Variants in SMARCA4 observed in about 807,000 individuals in gnomAD.
SMARCA4 encodes the protein SWI/SNF related BAF chromatin remodeling complex subunit ATPase 4.
SMARCA4 carries 31 observed loss-of-function variants against 193.9 expected under a neutral mutation model. The ratio of observed to expected loss-of-function variants is 0.16; its 90% confidence interval spans 0.12 to 0.22. SMARCA4 has a LOEUF of 0.22. SMARCA4 is among the 10% of genes least tolerant of loss of function. The pLI, the probability that SMARCA4 is intolerant of heterozygous loss-of-function variation, is 1.00. For synonymous variants in SMARCA4, 942 were observed against 933.1 expected (o/e 1.01, Z -0.17); for missense variants, 1,148 against 2,296.0 (o/e 0.50, Z 10.22).
Position 11,039,506 on chromosome 19 carries a change from G to A in SMARCA4, c.4171-1801G>A, listed in dbSNP as rs751103947. The A allele has an allele frequency of 1.2e-6, 2 of 1,600,894 alleles. No homozygotes were observed. Among genetic ancestry groups the A allele is most frequent in the South Asian group, 2.3e-5 (2 of 88,136 alleles). On this transcript the variant is annotated intron_variant, in intron 29 of 34. Coordinates refer to ENST00000344626, the MANE Select transcript of SMARCA4 (RefSeq NM_003072.5). ...TGACACAGCCAGCAGTGTGGCACGT[G>A]GGCTACAATTCCAGCGTGGCCTTCA...
chr19:11,004,628 A>T (rs554078057), intron 13 of SMARCA4, among the ~76,000 whole-genome samples: 1 of 152,188 alleles, frequency 6.6e-6, no homozygotes, highest in East Asian at 1.9e-4. Flanking sequence ...TTTACTTTCA[A>T]CCTGAATCTA....
chr19:11,044,010 G>A (rs943890703), intron 30 of SMARCA4, among the ~76,000 whole-genome samples: 3 of 152,162 alleles, frequency 2.0e-5, no homozygotes, highest in Non-Finnish European at 2.9e-5. Flanking sequence ...AAGGGAATTC[G>A]CAGAAATCTA....
intron 16 of SMARCA4, 44 bp from the exon 17 acceptor site, chr19:11,018,913 T>C: frequency 6.5e-7 from 1 of 1,536,676 alleles, no homozygotes; most frequent in Non-Finnish European, 9.0e-7. Flanking sequence ...AGTGAGCCAT[T>C]GATGAGAGAC....
Position 11,059,795 on chromosome 19 carries a change from G to T in SMARCA4, c.4678G>T (p.Val1560Leu), listed in dbSNP as rs374983142. 2.2e-5 allele frequency: 36 copies of T among 1,607,246 alleles called. No homozygotes were observed. The highest frequency in any genetic ancestry group is 3.0e-5 in the Non-Finnish European group (35 of 1,176,886). ...SIVLQSVFTS[V>L]RQKIEKEDDS... ...CGTCTTGCAGTCGGTCTTCACCAGC[G>T]TGCGGCAGAAAATCGAGAAGGAGGA... Residue 1560 changes from valine to leucine, a missense_variant, in exon 33 of 35, where the codon GTG (valine) becomes TTG (leucine). Val to Leu is a conservative substitution (Grantham distance 32, BLOSUM62 1). This residue lies in a region of SMARCA4 where 105 missense variants were observed against 133.7 expected (regional missense o/e 0.79). Coordinates refer to ENST00000344626, the MANE Select transcript of SMARCA4 (RefSeq NM_003072.5).
intron 13 of SMARCA4, among the ~76,000 whole-genome samples, chr19:11,004,845 CTT>C (rs35249801): frequency 1.7e-4 from 24 of 143,222 alleles, no homozygotes; most frequent in South Asian, 2.2e-4. Context: ...TTTATAGTGC[CTT>C]TTTTTTTTTT....
rs1555778797 is a variant in SMARCA4 at position 11,021,885 on chromosome 19, A to G, written c.2777A>G (p.Asn926Ser). ...NKLPELWALLNFLLPTIFKSC... is the reference protein window; with the variant it reads ...NKLPELWALLSFLLPTIFKSC... ...CTTCCCGAGCTCTGGGCGCTGCTCA[A>G]CTTCCTGCTGCCCACCATCTTCAAG... Residue 926 changes from asparagine (N) to serine (S), a missense_variant, in exon 19 of 35, where the codon AAC becomes AGC. Transcript: ENST00000344626. 3 of 1,613,854 alleles carry G rather than the reference A, an allele frequency of 1.9e-6. No individual in the cohort carries two copies. The highest frequency in any genetic ancestry group is 8.5e-7 in the Non-Finnish European group (1 of 1,180,038).
At chr19:10,989,232 G>T (rs1483976154) in intron 6 of SMARCA4, 85 bp from the exon 7 acceptor site, 1 of 1,556,818 alleles carries the variant, frequency 6.4e-7, no homozygotes. Flanking sequence ...TGCCTCTCTC[G>T]AGGGATGGGT....
At chr19:11,050,945 C>G (rs1159216237) in intron 30 of SMARCA4, among the ~76,000 whole-genome samples, 1 of 152,246 alleles carries the variant, frequency 6.6e-6, no homozygotes, top group Admixed American at 6.5e-5. Context: ...TGTGCAGGCA[C>G]TGGCTGGATG....
chr19:11,003,652 C>A (rs1052079056), intron 13 of SMARCA4, among the ~76,000 whole-genome samples: 1 of 152,078 alleles, frequency 6.6e-6, no homozygotes, highest in East Asian at 1.9e-4. Context: ...CTCTTTCACA[C>A]TGGCTGCATT....
Position 11,033,460 on chromosome 19 carries a change from C to A in SMARCA4, c.3717C>A (p.Ser1239=). Reference sequence around the variant, plus strand: ...CCGGCATGTTCGACCAGAAGTCCTCCAGCCATGAGCGGCGCGCCTTCCTGC... The same window carrying A: ...CCGGCATGTTCGACCAGAAGTCCTCAAGCCATGAGCGGCGCGCCTTCCTGC... The part of the protein sequence containing the change: ...IQAGMFDQKS[S]SHERRAFLQA... Residue 1239 remains serine (S), a synonymous_variant, in exon 26 of 35, where the codon TCC becomes TCA. Coordinates refer to ENST00000344626, the MANE Select transcript of SMARCA4 (RefSeq NM_003072.5). This position sits in a 1 kb window ranked among gnomAD's most constrained non-coding sequence, Gnocchi z 9.8. 6.2e-7 allele frequency: 1 copy of A among 1,613,416 alleles called. No individual in the cohort carries two copies. The highest frequency in any genetic ancestry group is 8.5e-7 in the Non-Finnish European group (1 of 1,179,998).
At chr19:11,023,389 C>A in intron 19 of SMARCA4, 129 bp from the exon 20 acceptor site, 1 of 700,512 alleles carries the variant, frequency 1.4e-6, no homozygotes, top group Non-Finnish European at 2.6e-6. Context: ...GCTGAAAAGC[C>A]ACGTGCCAAG....
At position 11,032,852 on chromosome 19, in the gene SMARCA4, C is replaced by G. The variant is rs180807518; in HGVS notation, c.3547-438C>G. On this transcript the variant is annotated intron_variant, in intron 25 of 34. Coordinates refer to ENST00000344626, the MANE Select transcript of SMARCA4 (RefSeq NM_003072.5). Reference sequence around the variant, plus strand: ...ACAGAGGTGAGACCTGGTTCCGGTTCTGTGTGCACTGTGAGAGTGGCAGGG... The same window carrying G: ...ACAGAGGTGAGACCTGGTTCCGGTTGTGTGTGCACTGTGAGAGTGGCAGGG... 3.9e-5 allele frequency among the ~76,000 whole-genome samples: 6 copies of G among 152,258 alleles called. No individual in the cohort carries two copies. The East Asian group carries it at 1.2e-3, about 29-fold the overall frequency.
At chr19:11,051,648 G>A (rs1413275395) in intron 30 of SMARCA4, among the ~76,000 whole-genome samples, 5 of 151,882 alleles carry the variant, frequency 3.3e-5, no homozygotes, top group Non-Finnish European at 7.4e-5. Flanking sequence ...GCACCACCAC[G>A]CCCAGCTAAT....
In SMARCA4 at chr19:11,033,046, G is replaced by C; in HGVS notation, c.3547-244G>C. On this transcript the variant is annotated intron_variant, in intron 25 of 34. Coordinates refer to ENST00000344626, the MANE Select transcript of SMARCA4 (RefSeq NM_003072.5). The surrounding 1 kb of genome is among the most constrained non-coding windows in gnomAD (Gnocchi z 9.8). ...GGTGCTTTCTTCCCGAATATCTGTG[G>C]GGTCCCAATAAGGTAGAAGGTGGCA... 1 of 595,796 alleles carries C rather than the reference G, an allele frequency of 1.7e-6. No individual in the cohort carries two copies. The highest frequency in any genetic ancestry group is 3.0e-6 in the Non-Finnish European group (1 of 331,162). The allele number at this position is 595,796 out of a possible 1,614,324, so 36.9% of individuals were successfully genotyped here. A position where few individuals can be genotyped will look rare whatever the true frequency, so the allele number is the denominator to read the frequency against.
At chr19:10,999,527 A>G (rs376293878) in intron 11 of SMARCA4, among the ~76,000 whole-genome samples, 2 of 152,148 alleles carry the variant, frequency 1.3e-5, no homozygotes, top group East Asian at 3.9e-4. Context: ...GTGTAGTGGC[A>G]TGCACCTGTG....
intron 1 of SMARCA4, among the ~76,000 whole-genome samples, chr19:10,966,771 C>T (rs75630274): frequency 0.059 from 8,950 of 152,138 alleles, 341 homozygotes; most frequent in South Asian, 0.11. Flanking sequence ...GCCTGTAGTC[C>T]TAGCTACTTG....
chr19:11,048,928 G>A (rs2076101458), intron 30 of SMARCA4, among the ~76,000 whole-genome samples: 1 of 152,220 alleles, frequency 6.6e-6, no homozygotes, highest in Admixed American at 6.5e-5. Context: ...AGGCCCTGGA[G>A]TGTGGCACTG....
At chr19:10,968,471 C>A (rs567667978) in intron 1 of SMARCA4, among the ~76,000 whole-genome samples, 1 of 151,886 alleles carries the variant, frequency 6.6e-6, no homozygotes, top group South Asian at 2.1e-4. Context: ...TAATAGTGAT[C>A]GACTTTAAAA....
intron 1 of SMARCA4, among the ~76,000 whole-genome samples, chr19:10,982,694 CAG>C (rs1372588787): frequency 2.0e-5 from 3 of 151,914 alleles, no homozygotes; most frequent in South Asian, 2.1e-4. Context: ...TTAGTAGAGA[CAG>C]GGTTTCACCA....
Sources: gnomAD v4.1 joint callset for allele counts (sites outside exome capture counted in the v4.1 genomes callset) on GRCh38, gnomAD v4.1.1 for gene constraint, gnomAD v4.1.1 regional missense constraint, Gnocchi (gnomAD v3.1) non-coding constraint, MANE v1.5 for transcripts, NCBI Gene and HGNC (gene_info 2026-07-23, HGNC 2026-07-21) for gene names.